MDGA2: variants seen among roughly 807,000 people sequenced by gnomAD.
MDGA2 encodes the protein MAM domain containing glycosylphosphatidylinositol anchor 2.
In MDGA2, 40 loss-of-function variants were observed where a neutral mutation model predicts 117.8. That is an observed-to-expected ratio of 0.34 (90% CI 0.26 to 0.44). The LOEUF (loss-of-function observed/expected upper bound fraction) is 0.44, where lower values mean the gene tolerates loss of function less well. Ranked by LOEUF, MDGA2 falls within the 20% of genes least tolerant of loss-of-function variation. The pLI, the probability that MDGA2 is intolerant of heterozygous loss-of-function variation, is 1.00. For missense variants in MDGA2, 1,123 were observed against 1,250.6 expected (o/e 0.90, Z 1.54); for synonymous variants, 452 against 439.0 (o/e 1.03, Z -0.37).
chr14:47,526,508 T>G lies in MDGA2; in HGVS notation c.280+148009A>C, dbSNP rs189154551. ...TGGTATTTAAAAGGACCACTCCACT[T>G]TCCTAGGCACTAAACTCTAACTTCT... On this transcript the variant is annotated intron_variant, in intron 1 of 16. Coordinates refer to ENST00000399232, the MANE Select transcript of MDGA2 (RefSeq NM_001113498.3). Among the ~76,000 whole-genome samples the G allele has an allele frequency of 3.9e-5, 6 of 152,208 alleles. No homozygotes were observed. The East Asian group carries it at 9.7e-4, about 25-fold the overall frequency.
At chr14:47,501,868 G>A (rs771879237) in intron 1 of MDGA2, among the ~76,000 whole-genome samples, 8 of 151,878 alleles carry the variant, frequency 5.3e-5, no homozygotes, top group Non-Finnish European at 1.0e-4. Context: ...AAGCCATCTC[G>A]TTTATAGTAG....
chr14:47,672,659 C>CA (rs1323750534), intron 1 of MDGA2, among the ~76,000 whole-genome samples: 5 of 152,046 alleles, frequency 3.3e-5, no homozygotes, highest in Non-Finnish European at 5.9e-5. Flanking sequence ...CAAACCAGAA[C>CA]AAAAAATTCC....
chr14:47,146,357 C>T (rs72680213), intron 3 of MDGA2, among the ~76,000 whole-genome samples: 6,396 of 152,184 alleles, frequency 0.042, 180 homozygotes, highest in East Asian at 0.17. Flanking sequence ...TTTAAATTTA[C>T]AGAACAACTG....
chr14:47,029,076 AC>A (rs371163527), intron 8 of MDGA2, among the ~76,000 whole-genome samples: 33 of 152,262 alleles, frequency 2.2e-4, no homozygotes, highest in African/African-American at 7.7e-4. Flanking sequence ...ACAGAATATT[AC>A]CCAGTAACTC....
chr14:47,543,046 CA>C (rs1162221192), intron 1 of MDGA2, among the ~76,000 whole-genome samples: 2 of 151,882 alleles, frequency 1.3e-5, no homozygotes, highest in Non-Finnish European at 2.9e-5. Flanking sequence ...CCTGTCTTTA[CA>C]AAAAAATAGA....
At position 46,849,508 on chromosome 14, in the gene MDGA2, G is replaced by C. The variant is rs375194761; in HGVS notation, c.2884-3637C>G. Reference sequence around the variant, plus strand: ...GATCTAGAGAGAGCATGTTTTACTTGACATGGTTTCTGTGTGAGTTAGATT... The same window carrying C: ...GATCTAGAGAGAGCATGTTTTACTTCACATGGTTTCTGTGTGAGTTAGATT... On this transcript the variant is annotated intron_variant, in intron 15 of 16. Coordinates refer to ENST00000399232, the MANE Select transcript of MDGA2 (RefSeq NM_001113498.3). Among the ~76,000 whole-genome samples the C allele has an allele frequency of 2.0e-5, 3 of 151,946 alleles. No individual in the cohort carries two copies. The East Asian group carries it at 5.8e-4, about 29-fold the overall frequency.
chr14:47,422,757 C>A (rs1393346961), intron 1 of MDGA2, among the ~76,000 whole-genome samples: 1 of 152,012 alleles, frequency 6.6e-6, no homozygotes, highest in Non-Finnish European at 1.5e-5. Flanking sequence ...TATGTTTGTT[C>A]CTTTTTTCAA....
chr14:47,061,719 T>G, intron 6 of MDGA2, 141 bp from the exon 7 acceptor site: 1 of 680,854 alleles, frequency 1.5e-6, no homozygotes, highest in East Asian at 2.8e-5. Context: ...ATCCAAGTTG[T>G]GTGTACATCA....
At chr14:47,363,568 T>G (rs1417767583) in intron 1 of MDGA2, among the ~76,000 whole-genome samples, 1 of 152,054 alleles carries the variant, frequency 6.6e-6, no homozygotes, top group East Asian at 1.9e-4. Flanking sequence ...TGTATCAAAT[T>G]TATATACACA....
At chr14:47,268,075 CTT>C (rs1292285880) in intron 2 of MDGA2, among the ~76,000 whole-genome samples, 20 of 143,130 alleles carry the variant, frequency 1.4e-4, no homozygotes, top group Admixed American at 2.8e-4. Context: ...TCCTTTTCTT[CTT>C]TTTTTTTTTT....
chr14:47,231,402 C>T (rs1252240713), intron 2 of MDGA2, among the ~76,000 whole-genome samples: 1 of 152,008 alleles, frequency 6.6e-6, no homozygotes, highest in Non-Finnish European at 1.5e-5. Flanking sequence ...GATGGAAGTC[C>T]TACACCATCT....
intron 8 of MDGA2, among the ~76,000 whole-genome samples, chr14:46,993,075 A>C (rs899170281): frequency 6.6e-6 from 1 of 152,150 alleles, no homozygotes; most frequent in Non-Finnish European, 1.5e-5. Flanking sequence ...CTTAAAAAAA[A>C]AAATTCTTCT....
intron 2 of MDGA2, among the ~76,000 whole-genome samples, chr14:47,296,582 C>T (rs1889082428): frequency 2.0e-5 from 3 of 152,058 alleles, no homozygotes; most frequent in Non-Finnish European, 4.4e-5. Context: ...ATTTAAACTA[C>T]AATAGAGTGT....
At chr14:47,118,202 T>A (rs890929823) in intron 5 of MDGA2, among the ~76,000 whole-genome samples, 2 of 152,198 alleles carry the variant, frequency 1.3e-5, no homozygotes, top group Non-Finnish European at 2.9e-5. Context: ...AGGAGCTACA[T>A]TTCTTATCAG....
intron 7 of MDGA2, chr14:47,059,220 G>A (rs1380245989): frequency 1.1e-6 from 1 of 932,704 alleles, no homozygotes; most frequent in Admixed American, 2.5e-5. Flanking sequence ...TATTGTTTCG[G>A]CTATTGAGAT....
At chr14:46,977,557 C>T (rs1019801554) in intron 8 of MDGA2, among the ~76,000 whole-genome samples, 3 of 151,800 alleles carry the variant, frequency 2.0e-5, no homozygotes, top group Admixed American at 2.0e-4. Flanking sequence ...TATTGGCCTC[C>T]CAGAAATGTA....
intron 1 of MDGA2, among the ~76,000 whole-genome samples, chr14:47,577,617 T>C (rs1189126553): frequency 1.3e-5 from 2 of 152,034 alleles, no homozygotes; most frequent in East Asian, 1.9e-4. Context: ...CATCAAAAAG[T>C]GGGCAAAGGA....
intron 1 of MDGA2, among the ~76,000 whole-genome samples, chr14:47,515,425 C>A (rs1894730995): frequency 6.6e-6 from 1 of 152,128 alleles, no homozygotes. Context: ...TCACTGCAGT[C>A]AGTGAGCAGA....
At chr14:47,059,542 A>C (rs552122593) in intron 7 of MDGA2, among the ~76,000 whole-genome samples, 1 of 152,232 alleles carries the variant, frequency 6.6e-6, no homozygotes, top group East Asian at 1.9e-4. Flanking sequence ...AGTTTCAAAC[A>C]GGCAATATAA....
Sources: gnomAD v4.1 joint callset for allele counts (sites outside exome capture counted in the v4.1 genomes callset) on GRCh38, gnomAD v4.1.1 for gene constraint, MANE v1.5 for transcripts, NCBI Gene and HGNC (gene_info 2026-07-23, HGNC 2026-07-21) for gene names.